Variants in AKR1E2 observed in about 807,000 individuals in gnomAD.
AKR1E2 encodes aldo-keto reductase family 1 member E2.
In AKR1E2, 43 loss-of-function variants were observed where a neutral mutation model predicts 41.9. The observed-to-expected ratio is 1.03, with a 90% CI of 0.80 to 1.32. AKR1E2 has a LOEUF of 1.32. Among genes scored for constraint, AKR1E2 ranks in the 40% most tolerant of loss-of-function variants. The pLI is 0.00. For missense variants in AKR1E2, 423 were observed against 396.5 expected (o/e 1.07, Z -0.57); for synonymous variants, 121 against 138.9 (o/e 0.87, Z 0.91).
intron 6 of AKR1E2, 87 bp downstream of exon 6, chr10:4,839,913 G>T (rs1588464943): frequency 8.0e-7 from 1 of 1,256,798 alleles, no homozygotes. Flanking sequence ...CTGAGGGAGG[G>T]CTTAATGGAG....
chr10:4,831,943 C>A (rs902657246), intron 2 of AKR1E2, among the ~76,000 whole-genome samples: 3 of 152,108 alleles, frequency 2.0e-5, no homozygotes, highest in African/African-American at 7.2e-5. Flanking sequence ...AGGTAGGAGA[C>A]ATTAACAGCA....
chr10:4,832,966 C>T (rs1833098503), intron 2 of AKR1E2, among the ~76,000 whole-genome samples: 2 of 152,334 alleles, frequency 1.3e-5, no homozygotes, highest in South Asian at 4.1e-4. Context: ...ACTCTTAATA[C>T]GGAGTCTGTG....
chr10:4,863,517 T>C, the AKR1E2 span, among the ~76,000 whole-genome samples: 3 of 151,940 alleles, frequency 2.0e-5, no homozygotes, highest in Non-Finnish European at 4.4e-5. Flanking sequence ...AGGAAAGATC[T>C]AAAATTGACA....
At chr10:4,845,944 A>T in intron 8 of AKR1E2, 1 of 446,312 alleles carries the variant, frequency 2.2e-6, no homozygotes, top group Non-Finnish European at 4.5e-6. Flanking sequence ...AGGAGGTGGG[A>T]GCCAGGTCCA....
Position 4,841,797 on chromosome 10 carries a change from C to G in AKR1E2, c.693C>G (p.Asp231Glu). Residue 231 changes from aspartate to glutamate, a missense_variant, in exon 7 of 10, where the codon GAC (aspartate) becomes GAG (glutamate). Asp to Glu is a conservative substitution (Grantham distance 45). Coordinates refer to ENST00000298375, the MANE Select transcript of AKR1E2 (RefSeq NM_001040177.3). ...TGTGTCTCTCTAGTGAGGGGGTTGA[C>G]CTGATAGACAACCCTGTGATCAAGA... ...RPLGGSCEGV[D>E]LIDNPVIKRI... The G allele has an allele frequency of 1.2e-6, 2 of 1,612,620 alleles. No homozygotes were observed. Among genetic ancestry groups the G allele is most frequent in the South Asian group, 2.2e-5 (2 of 90,786 alleles).
chr10:4,871,103 G>A, the AKR1E2 span, among the ~76,000 whole-genome samples: 3 of 151,872 alleles, frequency 2.0e-5, no homozygotes, highest in African/African-American at 7.2e-5. Flanking sequence ...TTAATTTTGT[G>A]TATTGTGTTT....
the AKR1E2 span, among the ~76,000 whole-genome samples, chr10:4,862,278 C>CA: frequency 6.6e-6 from 1 of 152,062 alleles, no homozygotes; most frequent in African/African-American, 2.4e-5. Context: ...CTGTTCTGTT[C>CA]CATTGGTCTA....
the AKR1E2 span, among the ~76,000 whole-genome samples, chr10:4,859,851 A>C: frequency 6.6e-6 from 1 of 152,208 alleles, no homozygotes; most frequent in Admixed American, 6.5e-5. Context: ...GAATTTTCTA[A>C]TTTTGTGGTG....
Position 4,828,770 on chromosome 10 carries a change from T to C in AKR1E2, c.40-1905T>C, listed in dbSNP as rs1222992118. ...AACATCTTTTCATATGGTTGTATAG[T>C]TTTTCCTGAAGAGAATATATGTCTT... On this transcript the variant is annotated intron_variant, in intron 1 of 9. Coordinates refer to ENST00000298375, the MANE Select transcript of AKR1E2 (RefSeq NM_001040177.3). Among the ~76,000 whole-genome samples, 23 of 152,228 alleles carry C rather than the reference T, an allele frequency of 1.5e-4. 1 individual carries two copies. The highest frequency in any genetic ancestry group is 1.5e-3 in the Admixed American group (23 of 15,284).
chr10:4,856,210 A>T, the AKR1E2 span, among the ~76,000 whole-genome samples: 1 of 152,242 alleles, frequency 6.6e-6, no homozygotes, highest in African/African-American at 2.4e-5. Flanking sequence ...CTAAAGGGTT[A>T]AATAATTGTC....
At chr10:4,845,443 G>A (rs1319964170) in intron 8 of AKR1E2, among the ~76,000 whole-genome samples, 1 of 149,268 alleles carries the variant, frequency 6.7e-6, no homozygotes, top group Admixed American at 6.6e-5. Flanking sequence ...GAGAGCTAGT[G>A]AGGGTTGTGA....
chr10:4,846,815 ATTACAGGCG>A (rs1170202339), intron 8 of AKR1E2, among the ~76,000 whole-genome samples: 4 of 152,178 alleles, frequency 2.6e-5, no homozygotes, highest in Admixed American at 2.0e-4. Context: ...AAGTGCTGGG[ATTACAGGCG>A]TGAACCACCG....
the AKR1E2 span, among the ~76,000 whole-genome samples, chr10:4,861,616 G>A: frequency 0.26 from 39,219 of 151,906 alleles, 5,277 homozygotes; most frequent in Middle Eastern, 0.37. Flanking sequence ...TGATCCTCCC[G>A]CCTCGGTCTC....
chr10:4,845,492 C>T (rs563960352), intron 8 of AKR1E2, among the ~76,000 whole-genome samples: 131 of 45,568 alleles, frequency 2.9e-3, no homozygotes, highest in African/African-American at 5.4e-3. Context: ...TGGGGGCTGC[C>T]AGCATGCTGT....
At chr10:4,865,804 A>G in the AKR1E2 span, among the ~76,000 whole-genome samples, 17 of 152,210 alleles carry the variant, frequency 1.1e-4, no homozygotes, top group Non-Finnish European at 2.1e-4. Context: ...CTGAAGCTTA[A>G]CAAAAAGAGT....
chr10:4,863,408 CCAA>C, the AKR1E2 span, among the ~76,000 whole-genome samples: 11 of 152,152 alleles, frequency 7.2e-5, no homozygotes, highest in African/African-American at 2.4e-4. Flanking sequence ...TTCTTTGAAA[CCAA>C]CGAGAACAAA....
chr10:4,848,902 G>C (rs1834472097), downstream of AKR1E2, among the ~76,000 whole-genome samples: 1 of 152,218 alleles, frequency 6.6e-6, no homozygotes, highest in Non-Finnish European at 1.5e-5. Flanking sequence ...CCCGGTTGTG[G>C]AGACAGCATC....
At chr10:4,858,660 A>G in the AKR1E2 span, among the ~76,000 whole-genome samples, 6 of 152,110 alleles carry the variant, frequency 3.9e-5, no homozygotes, top group Non-Finnish European at 8.8e-5. Flanking sequence ...AGCTTTTACA[A>G]TGTTCTATAT....
the AKR1E2 span, among the ~76,000 whole-genome samples, chr10:4,855,834 G>T: frequency 1.3e-5 from 2 of 152,294 alleles, no homozygotes; most frequent in South Asian, 4.2e-4. Context: ...TATTAGGTTT[G>T]CTAAATGCTT....
Sources: allele counts gnomAD v4.1 joint callset (sites outside exome capture counted in the v4.1 genomes callset), GRCh38; gene constraint gnomAD v4.1.1; transcripts MANE v1.5; gene names NCBI Gene and HGNC (gene_info 2026-07-23, HGNC 2026-07-21).